The following KRT73 variants were observed in gnomAD, a reference collection of about 807,000 sequenced individuals.
KRT73 encodes the protein keratin, type II cytoskeletal 73.
In KRT73, 44 loss-of-function variants were observed where a neutral mutation model predicts 47.2. The observed-to-expected ratio is 0.93, with a 90% CI of 0.73 to 1.20. KRT73 has a LOEUF of 1.20. KRT73 is among the 50% of genes most tolerant of loss of function. The pLI, the probability that KRT73 is intolerant of heterozygous loss-of-function variation, is 0.00. For synonymous variants in KRT73, 285 were observed against 291.3 expected, an observed-to-expected ratio of 0.98 and a Z score of 0.22; for missense variants, 713 against 704.5, an observed-to-expected ratio of 1.01 and a Z score of -0.14.
rs3847848 is a variant in KRT73, at chr12:52,609,298, C to T, written c.1332-17G>A. 0.023 allele frequency: 36,459 copies of T among 1,611,950 alleles called. 3,130 individuals carry two copies. The highest frequency in any genetic ancestry group is 0.21 in the Admixed American group (12,332 of 59,996). ...CCGGACATCCTGCAAGAGAGAAAAGCACAGGAGAGTCTGAATCACGTGGAC... is the reference window on the plus strand; with the variant it reads ...CCGGACATCCTGCAAGAGAGAAAAGTACAGGAGAGTCTGAATCACGTGGAC... On this transcript the variant is annotated splice_polypyrimidine_tract_variant and intron_variant, in intron 7 of 8. Transcript: ENST00000305748.
chr12:52,621,327 G>A (rs1010568396), upstream of KRT73, among the ~76,000 whole-genome samples: 1 of 151,460 alleles, frequency 6.6e-6, no homozygotes, highest in Non-Finnish European at 1.5e-5. Context: ...GAGAGAGACA[G>A]GCAGGAAATC....
chr12:52,614,802 C>T lies in KRT73; in HGVS notation c.724-128G>A, dbSNP rs948988150. The T allele has an allele frequency of 3.4e-5, 24 of 699,850 alleles. No individual in the cohort carries two copies. The Admixed American group carries it at 5.6e-4, about 16-fold the overall frequency. The allele number at this position is 699,850 out of a possible 1,614,324, so 43.4% of individuals were successfully genotyped here. A position where few individuals can be genotyped will look rare whatever the true frequency, so the allele number is the denominator to read the frequency against. ...GACTTCAGATCCAAGGGGCAGGAACCGGCCTTCCAGCCACAACTTCACTGT... is the reference window on the plus strand; with the variant it reads ...GACTTCAGATCCAAGGGGCAGGAACTGGCCTTCCAGCCACAACTTCACTGT... On this transcript the variant is annotated intron_variant, in intron 3 of 8. Coordinates refer to ENST00000305748, the MANE Select transcript of KRT73 (RefSeq NM_175068.3).
the KRT73 span, among the ~76,000 whole-genome samples, chr12:52,630,067 T>G: frequency 6.6e-6 from 1 of 152,124 alleles, no homozygotes; most frequent in Non-Finnish European, 1.5e-5. Context: ...ATCCCCACCC[T>G]TTTCCCTCTT....
rs199608944 is a variant in KRT73, at chr12:52,618,223, G to C, written c.302C>G (p.Pro101Arg). The change falls in exon 1 of 9, where the codon CCC (proline) becomes CGC (arginine). Residue 101 changes from proline (P) to arginine (R), a missense_variant. Coordinates refer to ENST00000305748, the MANE Select transcript of KRT73 (RefSeq NM_175068.3). ...GATGGTGACCTGATGGATACCCCCG[G>C]GCGGGCACAACGACGGACACACGGA... is the stretch of plus-strand genomic sequence containing the variant. ...LGSVCPSLCP[P>R]GGIHQVTINK... The C allele has an allele frequency of 4.9e-5, 79 of 1,614,026 alleles. No individual in the cohort carries two copies. Among genetic ancestry groups the C allele is most frequent in the Non-Finnish European group, 6.4e-5 (76 of 1,180,026 alleles).
At chr12:52,616,488 C>A in intron 1 of KRT73, 108 bp from the exon 2 acceptor site, 3 of 1,400,578 alleles carry the variant, frequency 2.1e-6, no homozygotes, top group South Asian at 2.7e-5. Context: ...TAAAAATGAG[C>A]CTCAGCCCTT....
Position 52,618,294 on chromosome 12 carries a change from C to T in KRT73, c.231G>A (p.Arg77=). The T allele has an allele frequency of 6.2e-7, 1 of 1,614,216 alleles. No homozygotes were observed. ...ACATGCTGCCAGCAAAGCCACTGGC[C>T]CGGCCCCGGCCAAATCCATAGCCTC... is the stretch of plus-strand genomic sequence containing the variant. ...WAGGYGFGRG[R]ASGFAGSMFG... is the part of the protein sequence containing the mutation. Residue 77 remains arginine (R), a synonymous_variant, in exon 1 of 9, where the codon CGG becomes CGA. Transcript: ENST00000305748.
upstream of KRT73, among the ~76,000 whole-genome samples, chr12:52,620,139 G>A (rs141495763): frequency 2.5e-4 from 28 of 112,242 alleles, no homozygotes; most frequent in East Asian, 1.4e-3. Flanking sequence ...TTGAGATGGC[G>A]TTTCACTCTT....
At chr12:52,609,101 A>G in intron 8 of KRT73, 146 bp downstream of exon 8, 2 of 722,256 alleles carry the variant, frequency 2.8e-6, no homozygotes, top group Non-Finnish European at 5.1e-6. Context: ...GGGAGGCCGC[A>G]GGTCTCAGCA....
upstream of KRT73, among the ~76,000 whole-genome samples, chr12:52,622,747 A>G (rs192772442): frequency 6.6e-6 from 1 of 152,348 alleles, no homozygotes; most frequent in East Asian, 1.9e-4. Flanking sequence ...ACAAGTCATC[A>G]CTGAATTGCG....
At chr12:52,611,443 C>A in intron 5 of KRT73, 114 bp from the exon 6 acceptor site, 1 of 1,264,348 alleles carries the variant, frequency 7.9e-7, no homozygotes, top group East Asian at 2.4e-5. Context: ...TCCAGGTCCC[C>A]CGCCTCACCA....
At position 52,608,172 on chromosome 12, in the gene KRT73, T is replaced by G. The variant is rs201960522; in HGVS notation, c.*24A>C. On this transcript the variant is annotated 3_prime_UTR_variant, in exon 9 of 9. Transcript: ENST00000305748. ...AGTCTGCCAGGGCAAGGCAGACTACTGGGAAATGGGCTGTGTTGCACTTTT... is the reference window on the plus strand; with the variant it reads ...AGTCTGCCAGGGCAAGGCAGACTACGGGGAAATGGGCTGTGTTGCACTTTT... The G allele has an allele frequency of 6.9e-6, 11 of 1,592,280 alleles. No individual in the cohort carries two copies. The highest frequency in any genetic ancestry group is 8.6e-6 in the Non-Finnish European group (10 of 1,167,822).
At chr12:52,616,471 T>C in intron 1 of KRT73, 91 bp from the exon 2 acceptor site, 2 of 1,501,596 alleles carry the variant, frequency 1.3e-6, no homozygotes, top group Non-Finnish European at 1.8e-6. Flanking sequence ...TTATGCTACA[T>C]TAGCTTTAAA....
chr12:52,614,970 A>T (rs1940785161), intron 3 of KRT73: 1 of 530,260 alleles, frequency 1.9e-6, no homozygotes, highest in Non-Finnish European at 3.3e-6. Context: ...AGCCACGGCG[A>T]TTTGCCAGAA....
At chr12:52,618,605 A>G, upstream of KRT73, 1 of 1,421,736 alleles carries the variant, frequency 7.0e-7, no homozygotes, top group Non-Finnish European at 9.5e-7. Flanking sequence ...CTGGGCTCCC[A>G]CTTTATAGGA....
At chr12:52,610,286 A>T (rs1842088648) in intron 7 of KRT73, 1 of 325,636 alleles carries the variant, frequency 3.1e-6, no homozygotes, top group Admixed American at 4.1e-5. Context: ...AATGTTGGCC[A>T]GGCTGGTCTC....
Position 52,615,245 on chromosome 12 carries a change from G to A in KRT73, c.723+34C>T, listed in dbSNP as rs769411432. On this transcript the variant is annotated intron_variant, in intron 3 of 8. Coordinates refer to ENST00000305748, the MANE Select transcript of KRT73 (RefSeq NM_175068.3). ...CTCTCTTAGCCCAGCACCCACTGCT[G>A]GGGGACTGAAGGGAACCCATGCACC... 3.8e-6 allele frequency: 6 copies of A among 1,589,006 alleles called. No homozygotes were observed. In the Admixed American group the frequency reaches 8.4e-5, roughly 22 times the overall value.
chr12:52,628,097 A>C, the KRT73 span, among the ~76,000 whole-genome samples: 1 of 152,150 alleles, frequency 6.6e-6, no homozygotes, highest in Non-Finnish European at 1.5e-5. Flanking sequence ...CTTTAAACAA[A>C]ACACAGGATG....
chr12:52,611,305 C>G lies in KRT73; in HGVS notation c.1009G>C (p.Gly337Arg), dbSNP rs765040226. The G allele has an allele frequency of 6.2e-7, 1 of 1,614,102 alleles. No individual in the cohort carries two copies. The highest frequency in any genetic ancestry group is 1.1e-5 in the South Asian group (1 of 91,066). Reference protein sequence around the residue: ...TKFQELQLAAGRHGDDLKHTK... With the variant: ...TKFQELQLAARRHGDDLKHTK... ...TGTTTCAGGTCATCCCCATGCCGGCCGGCTGCTAGCTGCAGCTCCTGGAAC... is the reference window on the plus strand; with the variant it reads ...TGTTTCAGGTCATCCCCATGCCGGCGGGCTGCTAGCTGCAGCTCCTGGAAC... The change falls in exon 6 of 9, where the codon GGC becomes CGC. Residue 337 changes from glycine to arginine, a missense_variant. By Grantham distance (125) the Gly-to-Arg change is moderately radical (BLOSUM62 -2). Coordinates refer to ENST00000305748, the MANE Select transcript of KRT73 (RefSeq NM_175068.3).
chr12:52,624,752 A>G, the KRT73 span, among the ~76,000 whole-genome samples: 1 of 152,096 alleles, frequency 6.6e-6, no homozygotes, highest in Non-Finnish European at 1.5e-5. Flanking sequence ...TAGGACTTTA[A>G]CATATCTTTT....
Sources: gnomAD v4.1 joint callset for allele counts (sites outside exome capture counted in the v4.1 genomes callset) on GRCh38, gnomAD v4.1.1 for gene constraint, MANE v1.5 for transcripts, NCBI Gene and HGNC (gene_info 2026-07-23, HGNC 2026-07-21) for gene names.